CCDC81: variants seen among roughly 807,000 people sequenced by gnomAD.
CCDC81 encodes coiled-coil domain containing 81.
In CCDC81, 79 loss-of-function variants were observed where a neutral mutation model predicts 83.7. The ratio of observed to expected loss-of-function variants is 0.94; its 90% CI spans 0.79 to 1.14. The LOEUF is 1.14. Ranked by LOEUF, CCDC81 falls within the 50% of genes most tolerant of loss-of-function variation. The pLI is 0.00. For missense variants in CCDC81, 791 were observed against 778.1 expected (o/e 1.02, Z -0.20); for synonymous variants, 252 against 278.1 (o/e 0.91, Z 0.93).
intron 9 of CCDC81, 112 bp from the exon 10 acceptor site, chr11:86,409,149 T>G: frequency 2.1e-6 from 1 of 476,376 alleles, no homozygotes; most frequent in Non-Finnish European, 3.6e-6. Context: ...AAAAGGCAGG[T>G]TTCTACCATG....
chr11:86,412,310 TTTATC>T, intron 10 of CCDC81, 72 bp from the exon 11 acceptor site: 2 of 1,142,772 alleles, frequency 1.8e-6, no homozygotes, highest in Non-Finnish European at 1.3e-6. Context: ...TACTTTCTGA[TTTATC>T]TTAGTCTTCT....
Position 86,422,820 on chromosome 11 carries a change from G to A in CCDC81, c.*105G>A. ...TTTTACCTCAGAGAAAAAAATCATT[G>A]TTTAGGTTTGGTGCTTTCATTAGAT... On this transcript the variant is annotated 3_prime_UTR_variant, in exon 15 of 15. Coordinates refer to ENST00000445632, the MANE Select transcript of CCDC81 (RefSeq NM_001156474.2). The A allele has an allele frequency of 8.5e-7, 1 of 1,175,454 alleles. No homozygotes were observed. The highest frequency in any genetic ancestry group is 1.2e-6 in the Non-Finnish European group (1 of 835,814). The allele number at this position is 1,175,454 out of a possible 1,614,324, so 72.8% of individuals were successfully genotyped here.
chr11:86,377,606 G>A (rs1948115217), intron 1 of CCDC81, among the ~76,000 whole-genome samples: 1 of 152,092 alleles, frequency 6.6e-6, no homozygotes, highest in Non-Finnish European at 1.5e-5. Flanking sequence ...TATATATAAA[G>A]GGCTTTGGCT....
intron 10 of CCDC81, among the ~76,000 whole-genome samples, chr11:86,410,937 T>C (rs1402735693): frequency 6.6e-6 from 1 of 152,240 alleles, no homozygotes; most frequent in African/African-American, 2.4e-5. Flanking sequence ...ACACTGAAAG[T>C]GTTGCCAAGC....
At chr11:86,390,203 T>C (rs1593914740) in intron 3 of CCDC81, among the ~76,000 whole-genome samples, 1 of 152,362 alleles carries the variant, frequency 6.6e-6, no homozygotes, top group East Asian at 1.9e-4. Flanking sequence ...GAGGACAGCA[T>C]GCCTAACTCT....
chr11:86,395,493 A>C (rs1377594164), intron 5 of CCDC81, 80 bp downstream of exon 5: 24 of 1,077,844 alleles, frequency 2.2e-5, no homozygotes, highest in Non-Finnish European at 3.1e-5. Flanking sequence ...AGTGTTTCTC[A>C]ATGTTTTGTA....
At chr11:86,386,183 C>G (rs1199289854) in intron 2 of CCDC81, 71 bp downstream of exon 2, 6 of 495,354 alleles carry the variant, frequency 1.2e-5, no homozygotes, top group Admixed American at 4.6e-5. Context: ...TCTAAAGGAT[C>G]CTTCCTTCAT....
chr11:86,408,183 T>C lies in CCDC81; in HGVS notation c.1026T>C (p.Ser342=), dbSNP rs200061603. The C allele has an allele frequency of 3.1e-6, 5 of 1,613,770 alleles. No homozygotes were observed. The East Asian group carries it at 1.1e-4, about 36-fold the overall frequency. Residue 342 remains serine (S), a synonymous_variant, in exon 9 of 15, where the codon AGT becomes AGC. Coordinates refer to ENST00000445632, the MANE Select transcript of CCDC81 (RefSeq NM_001156474.2). The part of the protein sequence containing the change: ...RAQRNSLLYY[S]EERRREIEDE... The stretch of plus-strand genomic sequence containing the variant: ...AACGAAATTCCCTGTTGTACTACAG[T>C]GAGGAAAGGAGGAGAGAGATAGAAG...
At chr11:86,395,447 C>T (rs746618488) in intron 5 of CCDC81, 34 bp downstream of exon 5, 4 of 1,541,254 alleles carry the variant, frequency 2.6e-6, no homozygotes, top group Non-Finnish European at 3.6e-6. Context: ...CCTCTAGGCA[C>T]TAGCACTCCT....
chr11:86,400,573 A>G, intron 6 of CCDC81, 105 bp from the exon 7 acceptor site: 1 of 1,148,336 alleles, frequency 8.7e-7, no homozygotes, highest in Admixed American at 2.3e-5. Context: ...TTATTTAAAG[A>G]TAAGAGAGTG....
At chr11:86,411,465 C>G (rs932370355) in intron 10 of CCDC81, among the ~76,000 whole-genome samples, 4 of 152,194 alleles carry the variant, frequency 2.6e-5, no homozygotes, top group Admixed American at 1.3e-4. Flanking sequence ...CCTGATGTAC[C>G]GTTTCTTGCT....
Position 86,392,789 on chromosome 11 carries a change from C to T in CCDC81, c.547C>T (p.Leu183=), listed in dbSNP as rs1948351587. Residue 183 remains leucine, a synonymous_variant, in exon 4 of 15, where the codon CTA becomes TTA. Transcript: ENST00000445632. ...TGGAAGTGGGGCTTTGGCAAAGGCC[C>T]TAGCAAATGTAAATTAATATTTTCC... ...MDGSGALAKA[L]ANRPGTVDSV... The T allele has an allele frequency of 6.5e-7, 1 of 1,548,420 alleles. No individual in the cohort carries two copies. Among genetic ancestry groups the T allele is most frequent in the Non-Finnish European group, 8.7e-7 (1 of 1,145,506 alleles).
chr11:86,377,575 G>C lies in CCDC81; in HGVS notation c.79+2333G>C, dbSNP rs548920396. ...AATAATGGGGAGCACCTTTTAATAT[G>C]CTTGTCATTTTTTGATGAGATATAT... On this transcript the variant is annotated intron_variant, in intron 1 of 14. Coordinates refer to ENST00000445632, the MANE Select transcript of CCDC81 (RefSeq NM_001156474.2). 2.0e-5 allele frequency among the ~76,000 whole-genome samples: 3 copies of C among 152,124 alleles called. No homozygotes were observed. The East Asian group carries it at 5.8e-4, about 29-fold the overall frequency.
Position 86,407,681 on chromosome 11 carries a change from G to T in CCDC81, c.949G>T (p.Asp317Tyr). ...GCCCCAAACATCTCCAGCTTGCCAG[G>T]ATCATAACAAGGCAGGACAGGTACA... ...MKPQTSPACQ[D>Y]HNKAGQEMCY... Residue 317 changes from aspartate (D) to tyrosine (Y), a missense_variant, in exon 8 of 15, where the codon GAT becomes TAT. Coordinates refer to ENST00000445632, the MANE Select transcript of CCDC81 (RefSeq NM_001156474.2). 1 of 1,613,396 alleles carries T rather than the reference G, an allele frequency of 6.2e-7. No homozygotes were observed. The highest frequency in any genetic ancestry group is 8.5e-7 in the Non-Finnish European group (1 of 1,179,540).
intron 9 of CCDC81, 65 bp from the exon 10 acceptor site, chr11:86,409,195 TG>T: frequency 2.7e-6 from 2 of 732,200 alleles, no homozygotes; most frequent in Non-Finnish European, 4.1e-6. Context: ...TTAAAATTTT[TG>T]GGGGCTCCAC....
chr11:86,375,152 T>G lies in CCDC81; in HGVS notation c.-12T>G, dbSNP rs1432963224. 6.2e-7 allele frequency: 1 copy of G among 1,612,446 alleles called. No individual in the cohort carries two copies. Among genetic ancestry groups the G allele is most frequent in the East Asian group, 2.2e-5 (1 of 44,848 alleles). On this transcript the variant is annotated 5_prime_UTR_variant, in exon 1 of 15. Coordinates refer to ENST00000445632, the MANE Select transcript of CCDC81 (RefSeq NM_001156474.2). ...ATCGAACATTCAGTACGGAGTCACC[T>G]GGAAATTGGAGATGTTGGATACGAT...
intron 7 of CCDC81, among the ~76,000 whole-genome samples, chr11:86,401,049 A>G (rs1313411662): frequency 6.6e-6 from 1 of 152,192 alleles, no homozygotes; most frequent in Non-Finnish European, 1.5e-5. Context: ...GAAACAAAAT[A>G]GCACAGAGTT....
In CCDC81 at chr11:86,398,929, C is replaced by T. The variant is rs115727609; in HGVS notation, c.757+1187C>T. On this transcript the variant is annotated intron_variant, in intron 6 of 14. Coordinates refer to ENST00000445632, the MANE Select transcript of CCDC81 (RefSeq NM_001156474.2). Reference sequence around the variant, plus strand: ...AAAAAGTATGGCTTGCCAGGCCACACTTTGAGGACTGTTCCTCTAGCAGAT... The same window carrying T: ...AAAAAGTATGGCTTGCCAGGCCACATTTTGAGGACTGTTCCTCTAGCAGAT... 5.5e-3 allele frequency among the ~76,000 whole-genome samples: 834 copies of T among 152,302 alleles called. 5 individuals carry two copies. Among genetic ancestry groups the T allele is most frequent in the African/African-American group, 0.019 (808 of 41,580 alleles).
chr11:86,388,045 G>A (rs1382882234), intron 3 of CCDC81, among the ~76,000 whole-genome samples: 1 of 152,162 alleles, frequency 6.6e-6, no homozygotes, highest in Non-Finnish European at 1.5e-5. Context: ...AGTATCAGCT[G>A]TCAAAAAGAT....
Sources: allele counts gnomAD v4.1 joint callset (sites outside exome capture counted in the v4.1 genomes callset), GRCh38; gene constraint gnomAD v4.1.1; transcripts MANE v1.5; gene names NCBI Gene and HGNC (gene_info 2026-07-23, HGNC 2026-07-21).